The following PRKCG variants were observed in gnomAD, a reference collection of about 807,000 sequenced individuals.
PRKCG encodes the protein protein kinase C gamma type.
Under a neutral mutation model 82.0 loss-of-function variants are expected in PRKCG, and 28 were observed. The observed-to-expected ratio is 0.34, with a 90% confidence interval of 0.25 to 0.47. PRKCG has a LOEUF of 0.47. PRKCG is among the 20% of genes least tolerant of loss of function. PRKCG has a pLI of 1.00. For synonymous variants in PRKCG, 383 were observed against 376.6 expected, an observed-to-expected ratio of 1.02 and a Z score of -0.20; for missense variants, 640 against 952.7, an observed-to-expected ratio of 0.67 and a Z score of 4.32.
At chr19:53,894,985 C>T (rs752147173) in intron 9 of PRKCG, among the ~76,000 whole-genome samples, 43 of 152,092 alleles carry the variant, frequency 2.8e-4, no homozygotes, top group East Asian at 1.9e-4. Flanking sequence ...GGTAGAAGGG[C>T]GGGATTTCCC....
chr19:53,891,509 C>T (rs1197558288), intron 5 of PRKCG, among the ~76,000 whole-genome samples, 165 bp from the exon 6 acceptor site: 6 of 150,454 alleles, frequency 4.0e-5, no homozygotes, highest in Non-Finnish European at 5.9e-5. Flanking sequence ...GTCTCGATCT[C>T]CTGACCTTGT....
chr19:53,882,716 C>G lies in PRKCG; in HGVS notation c.170+52C>G. The G allele has an allele frequency of 6.2e-7, 1 of 1,600,014 alleles. No individual in the cohort carries two copies. On this transcript the variant is annotated intron_variant, in intron 1 of 17. Transcript: ENST00000263431. The surrounding 1 kb of genome is among the most constrained non-coding windows in gnomAD (Gnocchi z 6.1). ...GGGACGAGGGGACTAGGGGTGCAGA[C>G]TCCTATCACGCCGACCCCTGTGGAA...
At position 53,889,950 on chromosome 19, in the gene PRKCG, C is replaced by T; in HGVS notation, c.462C>T (p.His154=). The T allele has an allele frequency of 1.3e-6, 2 of 1,578,178 alleles. No homozygotes were observed. Among genetic ancestry groups the T allele is most frequent in the South Asian group, 1.2e-5 (1 of 86,386 alleles). Residue 154 remains histidine (H), a synonymous_variant, in exon 5 of 18, where the codon CAC becomes CAT. Transcript: ENST00000263431. This position sits in a 1 kb window ranked among gnomAD's most constrained non-coding sequence, Gnocchi z 4.4. ...RSVPSLCGVD[H]TERRGRLQLE... is the part of the protein sequence containing the mutation. The stretch of plus-strand genomic sequence containing the variant: ...TGCCCTCCCTGTGCGGTGTGGACCA[C>T]ACCGAGCGCCGCGGGCGCCTGCAGC...
chr19:53,881,973 G>GT, upstream of PRKCG: 1 of 225,054 alleles, frequency 4.4e-6, no homozygotes, highest in Non-Finnish European at 9.0e-6. Context: ...AGGCACCCTA[G>GT]TGGGGGAGGA....
chr19:53,893,374 C>T lies in PRKCG; in HGVS notation c.922C>T (p.Pro308Ser), dbSNP rs778748565. 12 of 1,613,580 alleles carry T rather than the reference C, an allele frequency of 7.4e-6. No homozygotes were observed. Among genetic ancestry groups the T allele is most frequent in the Non-Finnish European group, 9.3e-6 (11 of 1,179,608 alleles). Reference protein sequence around the residue: ...LLQKFEACNYPLELYERVRMG... With the variant: ...LLQKFEACNYSLELYERVRMG... ...TCTTTTCTCCCAGGCTTGTAACTAC[C>T]CCCTGGAATTGTATGAGGTGAGTAG... Residue 308 changes from proline (P) to serine (S), a missense_variant, in exon 9 of 18, where the codon CCC (proline) becomes TCC (serine). Transcript: ENST00000263431.
At chr19:53,904,591 C>T (rs972120614) in intron 15 of PRKCG, 44 bp from the exon 16 acceptor site, 1 of 1,554,888 alleles carries the variant, frequency 6.4e-7, no homozygotes, top group Admixed American at 1.8e-5. Flanking sequence ...TGGGGAAAGG[C>T]AGTTGGGCAT....
chr19:53,905,355 C>G (rs1320562966), intron 16 of PRKCG, among the ~76,000 whole-genome samples: 1 of 149,458 alleles, frequency 6.7e-6, no homozygotes. Flanking sequence ...TACCCCCCAT[C>G]TCTGTCCCCT....
intron 5 of PRKCG, 132 bp downstream of exon 5, chr19:53,890,149 T>A (rs939107037): frequency 9.9e-7 from 1 of 1,006,442 alleles, no homozygotes; most frequent in Non-Finnish European, 1.5e-6. Flanking sequence ...ACGCCCACAC[T>A]CCTGACCCCA....
Position 53,884,287 on chromosome 19 carries a change from C to T in PRKCG, c.285+44C>T, listed in dbSNP as rs760771828. Reference sequence around the variant, plus strand: ...GGTTCTCCTCCTCGGGCCGTGCCCCCGCCCTCACCCCCTCGGCGTCCGTCC... The same window carrying T: ...GGTTCTCCTCCTCGGGCCGTGCCCCTGCCCTCACCCCCTCGGCGTCCGTCC... On this transcript the variant is annotated intron_variant, in intron 3 of 17. Transcript: ENST00000263431. The surrounding 1 kb of genome is among the most constrained non-coding windows in gnomAD (Gnocchi z 4.6). 4.5e-6 allele frequency: 7 copies of T among 1,557,684 alleles called. No homozygotes were observed. The highest frequency in any genetic ancestry group is 1.7e-5 in the Admixed American group (1 of 59,936).
Position 53,900,225 on chromosome 19 carries a change from C to T in PRKCG, c.1282-8C>T. On this transcript the variant is annotated splice_polypyrimidine_tract_variant and splice_region_variant and intron_variant, in intron 11 of 17. Coordinates refer to ENST00000263431, the MANE Select transcript of PRKCG (RefSeq NM_002739.5). This position sits in a 1 kb window ranked among gnomAD's most constrained non-coding sequence, Gnocchi z 4.2. Reference sequence around the variant, plus strand: ...ATCCCGCCTCTAAGCCCATGCACTTCTCCGCAGGACCGCCTGTATTTCGTG... The same window carrying T: ...ATCCCGCCTCTAAGCCCATGCACTTTTCCGCAGGACCGCCTGTATTTCGTG... The T allele has an allele frequency of 2.5e-6, 4 of 1,613,428 alleles. No individual in the cohort carries two copies. The highest frequency in any genetic ancestry group is 3.4e-6 in the Non-Finnish European group (4 of 1,179,374).
chr19:53,890,166 A>T, intron 5 of PRKCG, 149 bp downstream of exon 5: 1 of 885,238 alleles, frequency 1.1e-6, no homozygotes, highest in Non-Finnish European at 1.7e-6. Flanking sequence ...CCCACCCCAA[A>T]GGCCGAGCAC....
chr19:53,892,740 C>T lies in PRKCG; in HGVS notation c.821+97C>T. 6.8e-7 allele frequency: 1 copy of T among 1,463,566 alleles called. No homozygotes were observed. The highest frequency in any genetic ancestry group is 9.2e-7 in the Non-Finnish European group (1 of 1,088,776). 90.7% of individuals were successfully genotyped at this position (1,463,566 alleles called of 1,614,324 possible). On this transcript the variant is annotated intron_variant, in intron 7 of 17. Coordinates refer to ENST00000263431, the MANE Select transcript of PRKCG (RefSeq NM_002739.5). This position sits in a 1 kb window ranked among gnomAD's most constrained non-coding sequence, Gnocchi z 5.9. ...TCCAGGCCACTGTCCTTCCCTCTGC[C>T]TCCCAGCATGCGCACACACACACAC...
intron 6 of PRKCG, 37 bp downstream of exon 6, chr19:53,891,867 C>A: frequency 6.2e-7 from 1 of 1,613,174 alleles, no homozygotes; most frequent in Non-Finnish European, 8.5e-7. Flanking sequence ...TGACAGCTGA[C>A]AGAGAATGAT....
In PRKCG at chr19:53,900,606, T is replaced by C; in HGVS notation, c.1437-5T>C. 6 of 1,614,178 alleles carry C rather than the reference T, an allele frequency of 3.7e-6. No homozygotes were observed. Among genetic ancestry groups the C allele is most frequent in the Non-Finnish European group, 5.1e-6 (6 of 1,180,038 alleles). ...ATTCCTGCCCCACACCCCTGCATCGTCCAGGGACCTGAAGCTGGACAATGT... is the reference window on the plus strand; with the variant it reads ...ATTCCTGCCCCACACCCCTGCATCGCCCAGGGACCTGAAGCTGGACAATGT... On this transcript the variant is annotated splice_polypyrimidine_tract_variant and splice_region_variant and intron_variant, in intron 13 of 17. Coordinates refer to ENST00000263431, the MANE Select transcript of PRKCG (RefSeq NM_002739.5). This position sits in a 1 kb window ranked among gnomAD's most constrained non-coding sequence, Gnocchi z 4.2.
At chr19:53,896,372 C>A (rs1323705096) in intron 9 of PRKCG, among the ~76,000 whole-genome samples, 2 of 124,396 alleles carry the variant, frequency 1.6e-5, no homozygotes, top group East Asian at 4.4e-4. Context: ...ACAGAAACAG[C>A]CCTGATTATT....
Position 53,883,217 on chromosome 19 carries a change from C to T in PRKCG, c.202+23C>T, listed in dbSNP as rs749715581. 1 of 1,613,704 alleles carries T rather than the reference C, an allele frequency of 6.2e-7. No individual in the cohort carries two copies. ...AAGGTAAGAGCTGGGGACCGGGGCT[C>T]CTGGGACCCTCAGGAGGGTGGAGGC... On this transcript the variant is annotated intron_variant, in intron 2 of 17. Transcript: ENST00000263431. The surrounding 1 kb of genome is among the most constrained non-coding windows in gnomAD (Gnocchi z 5.4).
chr19:53,905,531 C>G (rs1049742806), intron 16 of PRKCG, among the ~76,000 whole-genome samples: 1 of 151,728 alleles, frequency 6.6e-6, no homozygotes, highest in Non-Finnish European at 1.5e-5. Context: ...ATCTCTGTCC[C>G]CCTGGGTCTC....
rs768461624 is a variant in PRKCG, at chr19:53,893,080, C to T, written c.909+5C>T. ...AGCCTCCTCCAGAAGTTTGAGGTAC[C>T]CAGACCCTGGCTTCCTCAAGGGAGC... On this transcript the variant is annotated splice_donor_5th_base_variant and intron_variant, in intron 8 of 17. Transcript: ENST00000263431. 4 of 1,613,160 alleles carry T rather than the reference C, an allele frequency of 2.5e-6. No homozygotes were observed. In the East Asian group the frequency reaches 8.9e-5, roughly 36 times the overall value.
chr19:53,892,535 G>T lies in PRKCG; in HGVS notation c.713G>T (p.Arg238Leu). Residue 238 changes from arginine to leucine, a missense_variant, in exon 7 of 18, where the codon CGC becomes CTC. Transcript: ENST00000263431. This position sits in a 1 kb window ranked among gnomAD's most constrained non-coding sequence, Gnocchi z 5.9. Reference protein sequence around the residue: ...VFNLKPGDVERRLSVEVWDWD... With the variant: ...VFNLKPGDVELRLSVEVWDWD... ...AACCTGAAGCCAGGGGATGTGGAGC[G>T]CCGGCTCAGCGTGGAGGTGTGGGAC... The T allele has an allele frequency of 6.2e-7, 1 of 1,612,844 alleles. No homozygotes were observed.
Sources: allele counts gnomAD v4.1 joint callset (sites outside exome capture counted in the v4.1 genomes callset), GRCh38; gene constraint gnomAD v4.1.1; non-coding constraint Gnocchi (gnomAD v3.1); transcripts MANE v1.5; gene names NCBI Gene and HGNC (gene_info 2026-07-23, HGNC 2026-07-21).